Variants in PPP2R3A observed in about 807,000 individuals in gnomAD.
PPP2R3A encodes the protein serine/threonine-protein phosphatase 2A regulatory subunit B'' subunit alpha.
Under a neutral mutation model 106.9 loss-of-function variants are expected in PPP2R3A, and 80 were observed. The observed-to-expected ratio is 0.75, with a 90% CI of 0.62 to 0.90. The LOEUF is 0.90. PPP2R3A is among the 40% of genes least tolerant of loss of function. The pLI, the probability that PPP2R3A is intolerant of heterozygous loss-of-function variation, is 0.00. For synonymous variants in PPP2R3A, 483 were observed against 468.3 expected, an observed-to-expected ratio of 1.03 and a Z score of -0.41; for missense variants, 1,386 against 1,350.4, an observed-to-expected ratio of 1.03 and a Z score of -0.41.
At chr3:136,065,261 A>AATTAT in intron 5 of PPP2R3A, among the ~76,000 whole-genome samples, 1 of 152,300 alleles carries the variant, frequency 6.6e-6, no homozygotes, top group African/African-American at 2.4e-5. Flanking sequence ...TAAAGTACTA[A>AATTAT]TTATAATGTA....
At chr3:136,005,784 A>G (rs919911481) in intron 2 of PPP2R3A, among the ~76,000 whole-genome samples, 1 of 152,216 alleles carries the variant, frequency 6.6e-6, no homozygotes, top group Admixed American at 6.5e-5. Flanking sequence ...ATACTAAGAC[A>G]TTTAAAGGTA....
intron 4 of PPP2R3A, among the ~76,000 whole-genome samples, chr3:136,045,144 C>T (rs1935428665): frequency 6.6e-6 from 1 of 152,212 alleles, no homozygotes; most frequent in South Asian, 2.1e-4. Context: ...ACCAGCCCCT[C>T]CCAGGGCTCC....
intron 10 of PPP2R3A, among the ~76,000 whole-genome samples, chr3:136,101,093 A>G (rs763874053): frequency 6.6e-6 from 1 of 152,192 alleles, no homozygotes; most frequent in Non-Finnish European, 1.5e-5. Context: ...AAACTGAGCG[A>G]GGCCTAGAGA....
At chr3:135,977,168 T>C (rs1211578552) in intron 1 of PPP2R3A, among the ~76,000 whole-genome samples, 1 of 152,158 alleles carries the variant, frequency 6.6e-6, no homozygotes, top group Non-Finnish European at 1.5e-5. Context: ...AGCATAGCAA[T>C]ACAATGAACA....
At position 136,043,775 on chromosome 3, in the gene PPP2R3A, T is replaced by G. The variant is rs1441486392; in HGVS notation, c.2366+2813T>G. Among the ~76,000 whole-genome samples, 5 of 152,234 alleles carry G rather than the reference T, an allele frequency of 3.3e-5. No homozygotes were observed. The East Asian group carries it at 9.6e-4, about 29-fold the overall frequency. ...TTACCTTTTCATATCAATGTATCAT[T>G]TGTCCATTAACAAAATAACATTTTG... On this transcript the variant is annotated intron_variant, in intron 4 of 13. Transcript: ENST00000264977.
chr3:135,973,312 A>G (rs1006206685), intron 1 of PPP2R3A, among the ~76,000 whole-genome samples: 1 of 152,234 alleles, frequency 6.6e-6, no homozygotes, highest in Non-Finnish European at 1.5e-5. Flanking sequence ...TGAAAAGTAT[A>G]TATCATTAAA....
At chr3:135,999,600 T>C (rs1933541129) in intron 1 of PPP2R3A, among the ~76,000 whole-genome samples, 1 of 152,110 alleles carries the variant, frequency 6.6e-6, no homozygotes, top group South Asian at 2.1e-4. Context: ...AATTTCTCAT[T>C]GATAGTTGGT....
intron 10 of PPP2R3A, among the ~76,000 whole-genome samples, chr3:136,092,999 A>T (rs1042828367): frequency 6.6e-6 from 1 of 152,254 alleles, no homozygotes; most frequent in African/African-American, 2.4e-5. Flanking sequence ...GCTATAAAAA[A>T]TTCAGAAGAA....
Position 136,113,726 on chromosome 3 carries a change from T to C in PPP2R3A, c.3329+7404T>C, listed in dbSNP as rs187834472. Among the ~76,000 whole-genome samples the C allele has an allele frequency of 3.3e-5, 5 of 149,788 alleles. No homozygotes were observed. In the Admixed American group the frequency reaches 3.4e-4, roughly 10 times the overall value. ...ACAAGAAGCACTTGAACCTGGGAAG[T>C]GAAGGTTGCAGTGAGTTGAGATCGC... On this transcript the variant is annotated intron_variant, in intron 13 of 13. Coordinates refer to ENST00000264977, the MANE Select transcript of PPP2R3A (RefSeq NM_002718.5).
Position 136,102,044 on chromosome 3 carries a change from G to T in PPP2R3A, c.2965G>T (p.Asp989Tyr), listed in dbSNP as rs777709640. 6.2e-7 allele frequency: 1 copy of T among 1,614,092 alleles called. No homozygotes were observed. Among genetic ancestry groups the T allele is most frequent in the Non-Finnish European group, 8.5e-7 (1 of 1,179,966 alleles). Residue 989 changes from aspartate (D) to tyrosine (Y), a missense_variant, in exon 11 of 14, where the codon GAC (aspartate) becomes TAC (tyrosine). By Grantham distance (160) the Asp-to-Tyr change is radical. Transcript: ENST00000264977. The stretch of plus-strand genomic sequence containing the variant: ...GTTCCGCTGCATGGATGTGGATGGA[G>T]ACGGTGTACTCTCCATGTATGAGCT... The part of the protein sequence containing the change: ...YWFRCMDVDG[D>Y]GVLSMYELEY...
At chr3:135,972,136 T>C (rs2107746894) in intron 1 of PPP2R3A, among the ~76,000 whole-genome samples, 1 of 152,296 alleles carries the variant, frequency 6.6e-6, no homozygotes, top group Non-Finnish European at 1.5e-5. Flanking sequence ...CCATTCCCCT[T>C]TACCCCTACC....
intron 13 of PPP2R3A, among the ~76,000 whole-genome samples, chr3:136,138,203 C>T (rs1019858896): frequency 2.6e-5 from 4 of 152,206 alleles, no homozygotes; most frequent in East Asian, 1.9e-4. Flanking sequence ...CCACATTGAA[C>T]GAACCATATC....
Position 136,002,800 on chromosome 3 carries a change from G to A in PPP2R3A, c.1302G>A (p.Glu434=), listed in dbSNP as rs150886588. The change falls in exon 2 of 14, where the codon GAG becomes GAA. Residue 434 remains glutamate (E), a synonymous_variant. Coordinates refer to ENST00000264977, the MANE Select transcript of PPP2R3A (RefSeq NM_002718.5). ...KKALDKGQKT[E]NGPSHELLKV... is the part of the protein sequence containing the mutation. ...CATTAGATAAAGGACAAAAGACAGA[G>A]AATGGACCTAGTCATGAGTTATTAA... The A allele has an allele frequency of 4.3e-6, 7 of 1,613,814 alleles. No individual in the cohort carries two copies. In the African/African-American group the frequency reaches 9.3e-5, roughly 22 times the overall value.
chr3:136,139,911 C>T (rs1309887175), intron 13 of PPP2R3A, among the ~76,000 whole-genome samples: 1 of 149,386 alleles, frequency 6.7e-6, no homozygotes, highest in East Asian at 2.0e-4. Flanking sequence ...GAGGCTGAGG[C>T]AGGAGAATCG....
intron 2 of PPP2R3A, among the ~76,000 whole-genome samples, chr3:136,017,513 G>A (rs962754564): frequency 6.6e-6 from 1 of 152,212 alleles, no homozygotes; most frequent in Non-Finnish European, 1.5e-5. Flanking sequence ...GAATGATGCA[G>A]CTGTGAACAT....
chr3:136,045,187 G>C (rs1321929182), intron 4 of PPP2R3A, among the ~76,000 whole-genome samples: 2 of 152,318 alleles, frequency 1.3e-5, no homozygotes, highest in South Asian at 4.1e-4. Context: ...CAGGCACACA[G>C]CACAGCCTCC....
chr3:136,002,529 ACT>A lies in PPP2R3A; in HGVS notation c.1034_1035del (p.Ser345TrpfsTer7). The A allele has an allele frequency of 6.2e-7, 1 of 1,613,988 alleles. No homozygotes were observed. The highest frequency in any genetic ancestry group is 8.5e-7 in the Non-Finnish European group (1 of 1,179,912). ...GATGTTGTCCAGCTCTCAGCTTCTGACTCTGGACGATTTCAAACTATTGAATT... is the reference window on the plus strand; with the variant it reads ...GATGTTGTCCAGCTCTCAGCTTCTGACTGGACGATTTCAAACTATTGAATT... On this transcript the variant is annotated frameshift_variant, in exon 2 of 14. Transcript: ENST00000264977. LOFTEE classifies it high-confidence loss of function.
chr3:135,992,137 A>G (rs1007487717), intron 1 of PPP2R3A, among the ~76,000 whole-genome samples: 1 of 152,112 alleles, frequency 6.6e-6, no homozygotes, highest in African/African-American at 2.4e-5. Context: ...TATTCCACAA[A>G]TAGGCCTTAC....
At chr3:136,115,575 C>T (rs1937713659) in intron 13 of PPP2R3A, among the ~76,000 whole-genome samples, 1 of 151,618 alleles carries the variant, frequency 6.6e-6, no homozygotes, top group Admixed American at 6.6e-5. Context: ...GGAGCTGAAA[C>T]ACACAGCACA....
Sources: gnomAD v4.1 joint callset for allele counts (sites outside exome capture counted in the v4.1 genomes callset) on GRCh38, gnomAD v4.1.1 for gene constraint, MANE v1.5 for transcripts, NCBI Gene and HGNC (gene_info 2026-07-23, HGNC 2026-07-21) for gene names.